ZFYVE28: variants seen among roughly 807,000 people sequenced by gnomAD.
ZFYVE28 encodes lateral signaling target protein 2 homolog.
Under a neutral mutation model 82.1 loss-of-function variants are expected in ZFYVE28, and 40 were observed. That is an observed-to-expected ratio of 0.49 (90% CI 0.38 to 0.63). The LOEUF (loss-of-function observed/expected upper bound fraction) is 0.63, where lower values mean the gene tolerates loss of function less well. ZFYVE28 is among the 30% of genes least tolerant of loss of function. The pLI, the probability that ZFYVE28 is intolerant of heterozygous loss-of-function variation, is 0.00. For synonymous variants in ZFYVE28, 612 were observed against 546.1 expected (o/e 1.12, Z -1.68); for missense variants, 1,321 against 1,242.1 (o/e 1.06, Z -0.96).
chr4:2,294,613 TAA>T (rs1714251627), intron 8 of ZFYVE28, among the ~76,000 whole-genome samples: 1 of 152,120 alleles, frequency 6.6e-6, no homozygotes, highest in Admixed American at 6.5e-5. Context: ...TCATCAAAAT[TAA>T]AAAGTTTTGC....
intron 1 of ZFYVE28, among the ~76,000 whole-genome samples, chr4:2,405,616 G>A (rs1458021823): frequency 6.6e-6 from 1 of 152,218 alleles, no homozygotes; most frequent in South Asian, 2.1e-4. Context: ...AGGGGCCGGG[G>A]CACAGGAGAG....
intron 7 of ZFYVE28, among the ~76,000 whole-genome samples, chr4:2,307,670 T>G (rs1038056715): frequency 1.3e-5 from 2 of 152,166 alleles, no homozygotes; most frequent in African/African-American, 2.4e-5. Context: ...TTAAAAAAAT[T>G]TTTTTTAGAG....
At position 2,376,481 on chromosome 4, in the gene ZFYVE28, G is replaced by A. The variant is rs569580244; in HGVS notation, c.40-22408C>T. On this transcript the variant is annotated intron_variant, in intron 1 of 12. Coordinates refer to ENST00000290974, the MANE Select transcript of ZFYVE28 (RefSeq NM_020972.3). ...GAGACTGGGTAATTTGCAAAGGAAGGGGGTTTAACTGACTCACAGTTCTGC... is the reference window on the plus strand; with the variant it reads ...GAGACTGGGTAATTTGCAAAGGAAGAGGGTTTAACTGACTCACAGTTCTGC... Among the ~76,000 whole-genome samples the A allele has an allele frequency of 2.5e-3, 375 of 152,010 alleles. 1 individual carries two copies. Among genetic ancestry groups the A allele is most frequent in the African/African-American group, 8.5e-3 (354 of 41,472 alleles).
At chr4:2,364,851 A>T (rs1251270641) in intron 1 of ZFYVE28, 10 of 985,368 alleles carry the variant, frequency 1.0e-5, no homozygotes, top group Non-Finnish European at 1.2e-5. Flanking sequence ...TAAAACCCCC[A>T]CGTCGCCGCG....
At chr4:2,380,550 G>A (rs1172751284) in intron 1 of ZFYVE28, among the ~76,000 whole-genome samples, 1 of 152,174 alleles carries the variant, frequency 6.6e-6, no homozygotes, top group Non-Finnish European at 1.5e-5. Flanking sequence ...GGCATTGTCC[G>A]CTCCTTGGTC....
At chr4:2,396,154 CATCCT>C (rs1730440547) in intron 1 of ZFYVE28, among the ~76,000 whole-genome samples, 1 of 59,294 alleles carries the variant, frequency 1.7e-5, no homozygotes, top group Non-Finnish European at 3.9e-5. Context: ...TGGGACCAGC[CATCCT>C]GCAGAGGGGA....
At chr4:2,283,115 C>CCATCCATCCATCCAT (rs1214554267) in intron 8 of ZFYVE28, among the ~76,000 whole-genome samples, 1 of 34,156 alleles carries the variant, frequency 2.9e-5, no homozygotes, top group Admixed American at 2.9e-4. Flanking sequence ...CATCCATCCA[C>CCATCCATCCATCCAT]CCACCCACCC....
At chr4:2,405,162 C>T (rs984615762) in intron 1 of ZFYVE28, among the ~76,000 whole-genome samples, 8 of 152,338 alleles carry the variant, frequency 5.3e-5, no homozygotes, top group Non-Finnish European at 1.0e-4. Flanking sequence ...CCCCAGATAC[C>T]CCCAGAGAGT....
rs796387867 is a variant in ZFYVE28, at chr4:2,387,035, G to A, written c.39+31250C>T. Among the ~76,000 whole-genome samples the A allele has an allele frequency of 4.9e-4, 74 of 152,350 alleles. 1 individual carries two copies. Among genetic ancestry groups the A allele is most frequent in the African/African-American group, 1.7e-3 (69 of 41,580 alleles). The stretch of plus-strand genomic sequence containing the variant: ...CCGGACACAGCCAGGGGGTTGGACG[G>A]CTCCGCAGACTGCAGGAGACTCCGG... On this transcript the variant is annotated intron_variant, in intron 1 of 12. Coordinates refer to ENST00000290974, the MANE Select transcript of ZFYVE28 (RefSeq NM_020972.3).
chr4:2,388,715 C>A (rs1003633023), intron 1 of ZFYVE28, among the ~76,000 whole-genome samples: 1 of 152,150 alleles, frequency 6.6e-6, no homozygotes, highest in East Asian at 1.9e-4. Context: ...GGGCTCAGCT[C>A]CACTTCCGAG....
chr4:2,350,833 G>A (rs376589170), intron 2 of ZFYVE28, among the ~76,000 whole-genome samples: 5 of 152,182 alleles, frequency 3.3e-5, no homozygotes, highest in East Asian at 1.9e-4. Flanking sequence ...GAACACATCC[G>A]CCTGCCAGGA....
intron 3 of ZFYVE28, among the ~76,000 whole-genome samples, chr4:2,340,583 C>T (rs1722628593): frequency 6.6e-6 from 1 of 152,166 alleles, no homozygotes; most frequent in South Asian, 2.1e-4. Context: ...GCTTGGGGCA[C>T]CAGGACCACA....
intron 2 of ZFYVE28, among the ~76,000 whole-genome samples, chr4:2,343,887 CCAGTGCCTAGAA>C (rs1352157094): frequency 1.3e-5 from 2 of 152,234 alleles, no homozygotes; most frequent in Non-Finnish European, 2.9e-5. Context: ...CGATGAGTCT[CCAGTGCCTAGAA>C]CAGTGCCTCA....
rs562477215 is a variant in ZFYVE28, at chr4:2,417,129, C to G, written c.39+1156G>C. ...AGGGAGGAGGGGTAGGTCGGCAACG[C>G]GGTGGCCTCGGACGTCCGAGCTGCC... On this transcript the variant is annotated intron_variant, in intron 1 of 12. Coordinates refer to ENST00000290974, the MANE Select transcript of ZFYVE28 (RefSeq NM_020972.3). The surrounding 1 kb of genome is among the most constrained non-coding windows in gnomAD (Gnocchi z 4.8). 2.0e-5 allele frequency among the ~76,000 whole-genome samples: 3 copies of G among 152,292 alleles called. No homozygotes were observed. The East Asian group carries it at 5.8e-4, about 29-fold the overall frequency.
Position 2,325,592 on chromosome 4 carries a change from C to CTTT in ZFYVE28, c.702-5324_702-5322dup, listed in dbSNP as rs58460729. 5.9e-3 allele frequency among the ~76,000 whole-genome samples: 725 copies of CTTT among 122,188 alleles called. 7 individuals carry two copies. Among genetic ancestry groups the CTTT allele is most frequent in the Non-Finnish European group, 9.7e-3 (590 of 60,548 alleles). 80.2% of individuals were successfully genotyped at this position (122,188 alleles called of 152,430 possible). On this transcript the variant is annotated intron_variant, in intron 6 of 12. Coordinates refer to ENST00000290974, the MANE Select transcript of ZFYVE28 (RefSeq NM_020972.3). ...CTTTTCCCCTTGTCTTTAAATCTTA[C>CTTT]TTTTTTTTTTTTTTTTTTTGCTTTT...
chr4:2,278,751 A>G (rs918902077), intron 8 of ZFYVE28, among the ~76,000 whole-genome samples: 1 of 141,556 alleles, frequency 7.1e-6, no homozygotes, highest in South Asian at 2.2e-4. Flanking sequence ...CAACAAAAAG[A>G]CCAAAAAAAA....
chr4:2,391,454 TC>T (rs1004620359), intron 1 of ZFYVE28, among the ~76,000 whole-genome samples: 7 of 97,426 alleles, frequency 7.2e-5, no homozygotes, highest in African/African-American at 3.1e-4. Flanking sequence ...AGGTCAATTA[TC>T]TTTTTTTTTT....
At chr4:2,294,297 C>T (rs1379310381) in intron 8 of ZFYVE28, among the ~76,000 whole-genome samples, 2 of 152,102 alleles carry the variant, frequency 1.3e-5, no homozygotes, top group Admixed American at 6.5e-5. Context: ...GTAAACCCAC[C>T]CCATGTGGTC....
chr4:2,363,229 A>C (rs1726404073), intron 1 of ZFYVE28, among the ~76,000 whole-genome samples: 1 of 152,190 alleles, frequency 6.6e-6, no homozygotes, highest in Admixed American at 6.5e-5. Context: ...GGCATAGCTC[A>C]GATAATCCCT....
Sources: gnomAD v4.1 joint callset for allele counts (sites outside exome capture counted in the v4.1 genomes callset) on GRCh38, gnomAD v4.1.1 for gene constraint, Gnocchi (gnomAD v3.1) non-coding constraint, MANE v1.5 for transcripts, NCBI Gene and HGNC (gene_info 2026-07-23, HGNC 2026-07-21) for gene names.